FAXC: variants seen among roughly 807,000 people sequenced by gnomAD.
FAXC encodes the protein failed axon connections homolog, metaxin like GST domain containing.
FAXC carries 10 observed loss-of-function variants against 41.9 expected under a neutral mutation model. The ratio of observed to expected loss-of-function variants is 0.24; its 90% CI spans 0.15 to 0.41. FAXC has a LOEUF of 0.41. Ranked by LOEUF, FAXC falls within the 10% of genes least tolerant of loss-of-function variation. The pLI is 1.00. For synonymous variants in FAXC, 183 were observed against 183.8 expected (o/e 1.00, Z 0.03); for missense variants, 399 against 510.9 (o/e 0.78, Z 2.11).
rs2128444012 is a variant in FAXC, at chr6:99,274,752, C to T, written c.*6412G>A. 6.6e-6 allele frequency: 1 copy of T among 152,204 alleles called. No homozygotes were observed. The highest frequency in any genetic ancestry group is 1.9e-4 in the East Asian group (1 of 5,178). The allele number at this position is 152,204 out of a possible 1,614,324, so 9.4% of individuals were successfully genotyped here. A position where few individuals can be genotyped will look rare whatever the true frequency, so the allele number is the denominator to read the frequency against. On this transcript the variant is annotated 3_prime_UTR_variant, in exon 6 of 6. Transcript: ENST00000389677. ...GCCTTATTTCTGTAAAAAACAAATC[C>T]CAGGCATAATTTGTTAAAGATAAAA...
chr6:99,310,007 T>C (rs1351693470), intron 4 of FAXC: 1 of 529,052 alleles, frequency 1.9e-6, no homozygotes, highest in African/African-American at 2.1e-5. Context: ...TCCCTAGCCC[T>C]TCTGAACCCC....
At chr6:99,328,567 C>A (rs575731275) in intron 3 of FAXC, among the ~76,000 whole-genome samples, 1 of 152,318 alleles carries the variant, frequency 6.6e-6, no homozygotes, top group African/African-American at 2.4e-5. Flanking sequence ...ATATACTCCC[C>A]AAATGCCTCC....
At chr6:99,309,174 T>G (rs80086858) in intron 4 of FAXC, among the ~76,000 whole-genome samples, 1,713 of 152,226 alleles carry the variant, frequency 0.011, 41 homozygotes, top group African/African-American at 0.039. Flanking sequence ...AAAGATTTTT[T>G]AAAGACTATT....
intron 5 of FAXC, among the ~76,000 whole-genome samples, chr6:99,287,224 A>AT (rs1771060692): frequency 6.6e-6 from 1 of 152,188 alleles, no homozygotes. Context: ...AATACAGTTA[A>AT]TTTTAAAACT....
Position 99,280,501 on chromosome 6 carries a change from G to A in FAXC, c.*663C>T, listed in dbSNP as rs1239953681. On this transcript the variant is annotated 3_prime_UTR_variant, in exon 6 of 6. Transcript: ENST00000389677. ...CACAACACCCCTGTGAGGTAGGTAG[G>A]TGGAGAGTATTGTCATCCCCACTTT... 2 of 152,530 alleles carry A rather than the reference G, an allele frequency of 1.3e-5. No individual in the cohort carries two copies. Among genetic ancestry groups the A allele is most frequent in the East Asian group, 1.9e-4 (1 of 5,200 alleles). The allele number at this position is 152,530 out of a possible 1,614,324, so 9.4% of individuals were successfully genotyped here. A position where few individuals can be genotyped will look rare whatever the true frequency, so the allele number is the denominator to read the frequency against.
chr6:99,327,184 T>C (rs1006089454), intron 3 of FAXC, among the ~76,000 whole-genome samples: 2 of 152,178 alleles, frequency 1.3e-5, no homozygotes, highest in Admixed American at 1.3e-4. Flanking sequence ...GAGAAGTAAA[T>C]GAGGGTCAGG....
chr6:99,340,397 G>A (rs572033638), intron 2 of FAXC, among the ~76,000 whole-genome samples: 1 of 152,206 alleles, frequency 6.6e-6, no homozygotes, highest in East Asian at 1.9e-4. Context: ...CACCAGCCTG[G>A]CCTAATATTT....
At chr6:99,289,498 AT>A (rs1245644928) in intron 5 of FAXC, among the ~76,000 whole-genome samples, 2 of 151,878 alleles carry the variant, frequency 1.3e-5, no homozygotes, top group African/African-American at 2.4e-5. Flanking sequence ...TTAAAAAAAA[AT>A]TTTTTAATTA....
chr6:99,302,950 G>T (rs1771771115), intron 4 of FAXC, among the ~76,000 whole-genome samples: 1 of 151,930 alleles, frequency 6.6e-6, no homozygotes, highest in Non-Finnish European at 1.5e-5. Context: ...TTGTAAAGTT[G>T]TTCATTGTAC....
chr6:99,339,391 G>T (rs1394315022), intron 2 of FAXC, among the ~76,000 whole-genome samples: 1 of 152,212 alleles, frequency 6.6e-6, no homozygotes, highest in Non-Finnish European at 1.5e-5. Context: ...TACAGGACCT[G>T]TGGCCTGGGC....
intron 2 of FAXC, among the ~76,000 whole-genome samples, chr6:99,337,162 A>G (rs1773245263): frequency 1.3e-5 from 2 of 152,066 alleles, no homozygotes; most frequent in South Asian, 2.1e-4. Flanking sequence ...AGATGTAAAG[A>G]GTGGGGAAAG....
At chr6:99,294,586 G>GT (rs1285883360) in intron 4 of FAXC, among the ~76,000 whole-genome samples, 8 of 151,840 alleles carry the variant, frequency 5.3e-5, no homozygotes, top group African/African-American at 1.9e-4. Flanking sequence ...GTGTGTGTGT[G>GT]TTTTTTTAAG....
intron 5 of FAXC, among the ~76,000 whole-genome samples, chr6:99,287,241 T>A (rs773052903): frequency 1.3e-4 from 20 of 152,208 alleles, no homozygotes; most frequent in Non-Finnish European, 2.2e-4. Flanking sequence ...AACTTTAGGT[T>A]ATAATTGTAT....
chr6:99,294,061 C>T (rs1771367715), intron 4 of FAXC, among the ~76,000 whole-genome samples: 1 of 152,140 alleles, frequency 6.6e-6, no homozygotes, highest in Non-Finnish European at 1.5e-5. Context: ...AAATACCCTA[C>T]AGTAGGGCAA....
intron 3 of FAXC, among the ~76,000 whole-genome samples, chr6:99,330,341 C>T (rs1278098473): frequency 3.3e-5 from 5 of 152,120 alleles, no homozygotes; most frequent in African/African-American, 4.8e-5. Context: ...CATTTGACCC[C>T]GTGTCAAGTT....
rs1204010321 is a variant in FAXC, at chr6:99,349,155, G to A, written c.218C>T (p.Ala73Val). 4 of 1,613,746 alleles carry A rather than the reference G, an allele frequency of 2.5e-6. No homozygotes were observed. Among genetic ancestry groups the A allele is most frequent in the Non-Finnish European group, 3.4e-6 (4 of 1,180,004 alleles). The change falls in exon 1 of 6, where the codon GCT (alanine) becomes GTT (valine). Residue 73 changes from alanine to valine, a missense_variant. Transcript: ENST00000389677. The part of the protein sequence containing the change: ...WKKTLYLTGG[A>V]LLAAAAYLLH... ...CAGATACGCAGCTGCGGCCAGCAAA[G>A]CTCCCCCGGTCAAGTAAAGGGTTTT...
In FAXC at chr6:99,277,794, G is replaced by A. The variant is rs1420022856; in HGVS notation, c.*3370C>T. ...GGTATAATAGAAAGAAACCATCAAGGGCAACGTGGTGTAATGGAAAGAACC... is the reference window on the plus strand; with the variant it reads ...GGTATAATAGAAAGAAACCATCAAGAGCAACGTGGTGTAATGGAAAGAACC... On this transcript the variant is annotated 3_prime_UTR_variant, in exon 6 of 6. Transcript: ENST00000389677. The A allele has an allele frequency of 6.6e-6, 1 of 152,128 alleles. No individual in the cohort carries two copies. The highest frequency in any genetic ancestry group is 2.4e-5 in the African/African-American group (1 of 41,426). The allele number at this position is 152,128 out of a possible 1,614,324, so 9.4% of individuals were successfully genotyped here.
At position 99,311,762 on chromosome 6, in the gene FAXC, T is replaced by C. The variant is rs527413550; in HGVS notation, c.823+11682A>G. Reference sequence around the variant, plus strand: ...CAGGCCACACCACAAGTCCTCCCAATTGTGGACAGCTCTGTCTTAAAATTC... The same window carrying C: ...CAGGCCACACCACAAGTCCTCCCAACTGTGGACAGCTCTGTCTTAAAATTC... On this transcript the variant is annotated intron_variant, in intron 4 of 5. Transcript: ENST00000389677. 5.3e-5 allele frequency among the ~76,000 whole-genome samples: 8 copies of C among 152,242 alleles called. 2 individuals are homozygous for C. In the South Asian group the frequency reaches 1.7e-3, roughly 32 times the overall value.
At chr6:99,311,274 A>G (rs1308481388) in intron 4 of FAXC, among the ~76,000 whole-genome samples, 2 of 152,204 alleles carry the variant, frequency 1.3e-5, no homozygotes, top group African/African-American at 4.8e-5. Context: ...TTCTCCCCAG[A>G]GAGTGAACAT....
Sources: gnomAD v4.1 joint callset for allele counts (sites outside exome capture counted in the v4.1 genomes callset) on GRCh38, gnomAD v4.1.1 for gene constraint, MANE v1.5 for transcripts, NCBI Gene and HGNC (gene_info 2026-07-23, HGNC 2026-07-21) for gene names.